NAF1: variants seen among roughly 807,000 people sequenced by gnomAD.
NAF1 encodes nuclear assembly factor 1 ribonucleoprotein.
NAF1 carries 11 observed loss-of-function variants against 40.6 expected under a neutral mutation model. The ratio of observed to expected loss-of-function variants is 0.27; its 90% CI spans 0.17 to 0.45. The LOEUF is 0.45. Ranked by LOEUF, NAF1 falls within the 20% of genes least tolerant of loss-of-function variation. The pLI is 1.00. For synonymous variants in NAF1, 260 were observed against 228.5 expected (o/e 1.14, Z -1.24); for missense variants, 607 against 611.1 (o/e 0.99, Z 0.07).
chr4:163,153,731 G>A (rs373246750), intron 2 of NAF1, among the ~76,000 whole-genome samples: 2 of 152,088 alleles, frequency 1.3e-5, no homozygotes, highest in Non-Finnish European at 1.5e-5. Context: ...CAGGCCACTC[G>A]GCTCTACCAA....
downstream of NAF1, among the ~76,000 whole-genome samples, chr4:163,107,652 C>A (rs1730070739): frequency 6.6e-6 from 1 of 152,164 alleles, no homozygotes; most frequent in African/African-American, 2.4e-5. Context: ...ACTATTAGTT[C>A]TCTATTATTT....
chr4:163,127,699 AG>A (rs1730706869), downstream of NAF1, among the ~76,000 whole-genome samples: 1 of 152,204 alleles, frequency 6.6e-6, no homozygotes, highest in Non-Finnish European at 1.5e-5. Context: ...ACCAAGGCAG[AG>A]CCTCTCAACT....
intron 4 of NAF1, among the ~76,000 whole-genome samples, chr4:163,142,836 A>AT (rs1731314895): frequency 6.6e-6 from 1 of 152,218 alleles, no homozygotes; most frequent in Admixed American, 6.5e-5. Flanking sequence ...GCTAAACTGT[A>AT]AAGAGCAACT....
chr4:163,129,051 G>A lies in NAF1; in HGVS notation c.1331C>T (p.Pro444Leu), dbSNP rs1730763242. The change falls in exon 8 of 8, where the codon CCC (proline) becomes CTC (leucine). Residue 444 changes from proline to leucine, a missense_variant. This residue lies in a region of NAF1 where 189 missense variants were observed against 216.6 expected (regional missense o/e 0.87). Coordinates refer to ENST00000274054, the MANE Select transcript of NAF1 (RefSeq NM_138386.3). The part of the protein sequence containing the change: ...FPLRPPPPPP[P>L]PPVNMGWATP... ...AGCCCAACCCATGTTTACAGGTGGG[G>A]GTGGTGGTGGGGGTGGAGGGCGGAG... 1.3e-6 allele frequency: 2 copies of A among 1,535,726 alleles called. No individual in the cohort carries two copies.
At chr4:163,142,834 G>C (rs1043050905) in intron 4 of NAF1, among the ~76,000 whole-genome samples, 1 of 152,192 alleles carries the variant, frequency 6.6e-6, no homozygotes, top group African/African-American at 2.4e-5. Context: ...GAGCTAAACT[G>C]TAAAGAGCAA....
At chr4:163,108,825 T>C (rs1278574480), downstream of NAF1, 6 of 152,236 alleles carry the variant, frequency 3.9e-5, no homozygotes, top group Admixed American at 3.9e-4. Context: ...CCAGGCATTA[T>C]GCACCAGACG....
chr4:163,116,451 T>C (rs1730341246), intron 2 of NAF1, among the ~76,000 whole-genome samples: 1 of 152,202 alleles, frequency 6.6e-6, no homozygotes, highest in Admixed American at 6.5e-5. Context: ...GTATTAAATA[T>C]ATGCAGTTAG....
chr4:163,127,263 G>A, downstream of NAF1: 1 of 1,188,804 alleles, frequency 8.4e-7, no homozygotes, highest in African/African-American at 1.6e-5. Context: ...CCGAGTAGCT[G>A]GGATTACAGG....
In NAF1 at chr4:163,164,403, A is replaced by G; in HGVS notation, c.366-12T>C. The G allele has an allele frequency of 2.0e-6, 3 of 1,504,310 alleles. No individual in the cohort carries two copies. The allele number at this position is 1,504,310 out of a possible 1,614,324, so 93.2% of individuals were successfully genotyped here. A position where few individuals can be genotyped will look rare whatever the true frequency, so the allele number is the denominator to read the frequency against. On this transcript the variant is annotated splice_polypyrimidine_tract_variant and intron_variant, in intron 1 of 7. Coordinates refer to ENST00000274054, the MANE Select transcript of NAF1 (RefSeq NM_138386.3). ...CTGAATCTGTTTCACTGTAGGGAAG[A>G]AAACAGTTAAAAAAATAGTCCAGTA...
At chr4:163,145,487 C>T (rs1308389558) in intron 4 of NAF1, among the ~76,000 whole-genome samples, 1 of 152,142 alleles carries the variant, frequency 6.6e-6, no homozygotes, top group Non-Finnish European at 1.5e-5. Flanking sequence ...CGGTAGGAAA[C>T]GATGTGTTAT....
chr4:163,111,843 T>G (rs1730168860), intron 2 of NAF1, among the ~76,000 whole-genome samples: 1 of 152,120 alleles, frequency 6.6e-6, no homozygotes, highest in Non-Finnish European at 1.5e-5. Context: ...TAAAAGAGTT[T>G]GATGTCCTGG....
chr4:163,112,189 G>A (rs1007323141), intron 2 of NAF1, among the ~76,000 whole-genome samples: 5 of 152,098 alleles, frequency 3.3e-5, no homozygotes, highest in African/African-American at 9.7e-5. Flanking sequence ...AATGATTGGG[G>A]GGGGAGAAAA....
chr4:163,130,218 CAAA>C (rs1223531659), intron 7 of NAF1, among the ~76,000 whole-genome samples: 1 of 151,572 alleles, frequency 6.6e-6, no homozygotes. Flanking sequence ...TTGCTCATCA[CAAA>C]AAGAACCAGG....
intron 6 of NAF1, chr4:163,135,762 C>G (rs1011273680): frequency 6.6e-6 from 1 of 152,034 alleles, no homozygotes; most frequent in African/African-American, 2.4e-5. Context: ...GCATTGCAGC[C>G]TGGGCAGAAA....
intron 2 of NAF1, among the ~76,000 whole-genome samples, chr4:163,163,664 TA>T (rs1442952324): frequency 1.3e-5 from 2 of 151,666 alleles, no homozygotes; most frequent in Non-Finnish European, 2.9e-5. Context: ...CGAGTGCCAA[TA>T]AATACCATTC....
chr4:163,149,571 C>A (rs992511281), intron 2 of NAF1, among the ~76,000 whole-genome samples: 7 of 152,136 alleles, frequency 4.6e-5, no homozygotes, highest in Non-Finnish European at 1.0e-4. Flanking sequence ...AGAAGGAAGT[C>A]AGCAACATGC....
intron 4 of NAF1, 78 bp downstream of exon 4, chr4:163,145,704 C>T: frequency 1.1e-6 from 1 of 930,888 alleles, no homozygotes; most frequent in South Asian, 1.6e-5. Flanking sequence ...ATAAACTCTT[C>T]TGAGAACTGA....
At chr4:163,144,898 A>C (rs959308641) in intron 4 of NAF1, among the ~76,000 whole-genome samples, 38 of 152,200 alleles carry the variant, frequency 2.5e-4, no homozygotes, top group African/African-American at 8.9e-4. Flanking sequence ...TTTCAGATTA[A>C]AATTGTCTAA....
At chr4:163,126,948 G>A, downstream of NAF1, 1 of 1,539,666 alleles carries the variant, frequency 6.5e-7, no homozygotes, top group South Asian at 1.2e-5. Flanking sequence ...CTCCAATTGA[G>A]ATATGCACAT....
Sources: gnomAD v4.1 joint callset for allele counts (sites outside exome capture counted in the v4.1 genomes callset) on GRCh38, gnomAD v4.1.1 for gene constraint, gnomAD v4.1.1 regional missense constraint, MANE v1.5 for transcripts, NCBI Gene and HGNC (gene_info 2026-07-23, HGNC 2026-07-21) for gene names.